DICER1: variants seen among roughly 807,000 people sequenced by gnomAD.
The protein encoded by DICER1 is dicer 1, ribonuclease III.
Under a neutral mutation model 194.1 loss-of-function variants are expected in DICER1, and 43 were observed. The ratio of observed to expected loss-of-function variants is 0.22; its 90% CI spans 0.17 to 0.29. DICER1 has a LOEUF of 0.29. Ranked by LOEUF, DICER1 falls within the 10% of genes least tolerant of loss-of-function variation. The probability of loss-of-function intolerance (pLI) is 1.00; values close to 1 mark genes in which losing one functional copy is unlikely to be tolerated. For missense variants in DICER1, 1,608 were observed against 2,317.0 expected, an observed-to-expected ratio of 0.69 and a Z score of 6.28; for synonymous variants, 832 against 820.5, an observed-to-expected ratio of 1.01 and a Z score of -0.24.
chr14:95,108,572 A>T, intron 14 of DICER1, 69 bp from the exon 15 acceptor site: 1 of 1,381,470 alleles, frequency 7.2e-7, no homozygotes, highest in Non-Finnish European at 1.0e-6. Flanking sequence ...TGTCAGCAAG[A>T]AAACAAATTA....
chr14:95,128,201 T>C (rs1893644036), intron 6 of DICER1, among the ~76,000 whole-genome samples: 1 of 152,190 alleles, frequency 6.6e-6, no homozygotes, highest in Non-Finnish European at 1.5e-5. Flanking sequence ...CAAAAACATA[T>C]ATACTATAGT....
chr14:95,112,900 A>G (rs1892100594), intron 12 of DICER1, among the ~76,000 whole-genome samples, 192 bp downstream of exon 12: 1 of 152,224 alleles, frequency 6.6e-6, no homozygotes. Context: ...CTACAAAAGC[A>G]ATCTATAAAT....
chr14:95,122,457 A>C (rs766946252), intron 8 of DICER1, among the ~76,000 whole-genome samples: 19 of 152,170 alleles, frequency 1.2e-4, no homozygotes, highest in Non-Finnish European at 2.6e-4. Context: ...CTGCCCTAAG[A>C]AATAATCCCT....
In DICER1 at chr14:95,089,019, G is replaced by C; in HGVS notation, c.*1479C>G. ...AAGACTGACCCACAGCTTTTAAAAA[G>C]GTAAATTAAGAGGTATTATAGTTAC... On this transcript the variant is annotated 3_prime_UTR_variant, in exon 27 of 27. Transcript: ENST00000343455. 1 of 231,358 alleles carries C rather than the reference G, an allele frequency of 4.3e-6. No individual in the cohort carries two copies. The highest frequency in any genetic ancestry group is 6.1e-5 in the East Asian group (1 of 16,430). The allele number at this position is 231,358 out of a possible 1,614,324, so 14.3% of individuals were successfully genotyped here.
In DICER1 at chr14:95,106,138, CAG is replaced by C. The variant is rs886037695; in HGVS notation, c.2888_2889del (p.Pro963ArgfsTer3). The C allele has an allele frequency of 6.2e-7, 1 of 1,614,056 alleles. No homozygotes were observed. ...TAATATTCTGCAAAAGTTTCATACT[CAG>C]GGGAAGGAAATTTACTGAGTGGGGT... The part of the protein sequence containing the change: ...DLTPLSKFPS[P>X]EYETFAEYYK... On this transcript the variant is annotated frameshift_variant, in exon 18 of 27. Transcript: ENST00000343455. LOFTEE classifies it high-confidence loss of function.
chr14:95,117,803 A>G, intron 8 of DICER1, 49 bp from the exon 9 acceptor site: 1 of 1,594,364 alleles, frequency 6.3e-7, no homozygotes, highest in Non-Finnish European at 8.6e-7. Context: ...GAAAGAAAAT[A>G]AACTTTTGTT....
At chr14:95,125,339 G>A (rs989666713) in intron 7 of DICER1, among the ~76,000 whole-genome samples, 9 of 151,400 alleles carry the variant, frequency 5.9e-5, no homozygotes, top group East Asian at 3.9e-4. Flanking sequence ...CCTGTTATCC[G>A]ATTTCAATGA....
intron 11 of DICER1, among the ~76,000 whole-genome samples, chr14:95,115,161 T>C (rs543938930): frequency 1.2e-4 from 19 of 152,356 alleles, no homozygotes; most frequent in Non-Finnish European, 2.4e-4. Context: ...AAGAAAATCT[T>C]ATACTTGCTC....
At chr14:95,098,652 T>C (rs528174709) in intron 22 of DICER1, among the ~76,000 whole-genome samples, 1 of 152,320 alleles carries the variant, frequency 6.6e-6, no homozygotes, top group East Asian at 1.9e-4. Flanking sequence ...GGAGGATGAC[T>C]GTTACTGGAA....
chr14:95,139,786 G>C (rs1335718617), intron 1 of DICER1, among the ~76,000 whole-genome samples: 1 of 152,184 alleles, frequency 6.6e-6, no homozygotes, highest in Admixed American at 6.5e-5. Context: ...CAGGAGAGAG[G>C]ATGTACAAGG....
chr14:95,115,542 C>T (rs1892359969), intron 11 of DICER1, 125 bp downstream of exon 11: 1 of 1,067,660 alleles, frequency 9.4e-7, no homozygotes, highest in Non-Finnish European at 1.4e-6. Flanking sequence ...TTTTCTTTAT[C>T]GAAAATATGG....
At chr14:95,120,437 T>C (rs968512791) in intron 8 of DICER1, among the ~76,000 whole-genome samples, 1 of 152,166 alleles carries the variant, frequency 6.6e-6, no homozygotes, top group Non-Finnish European at 1.5e-5. Context: ...CGAATGAACA[T>C]ACTGAAACTT....
Position 95,093,308 on chromosome 14 carries a change from C to T in DICER1, c.5364+580G>A, listed in dbSNP as rs534235127. Among the ~76,000 whole-genome samples, 28 of 152,284 alleles carry T rather than the reference C, an allele frequency of 1.8e-4. 1 individual carries two copies. The Middle Eastern group carries it at 0.014, about 74-fold the overall frequency. Reference sequence around the variant, plus strand: ...AAGATCTAAGCAATATCCTTTCCTACAAAAATTCGAAATAGCTCACAAACA... The same window carrying T: ...AAGATCTAAGCAATATCCTTTCCTATAAAAATTCGAAATAGCTCACAAACA... On this transcript the variant is annotated intron_variant, in intron 24 of 26. Transcript: ENST00000343455.
rs1595457308 is a variant in DICER1 at position 95,129,632 on chromosome 14, G to A, written c.574C>T (p.Leu192Phe). Residue 192 changes from leucine to phenylalanine, a missense_variant and splice_region_variant, in exon 6 of 27, where the codon CTC becomes TTC. By Grantham distance (22) the Leu-to-Phe change is conservative. Transcript: ENST00000343455. ...GGACATGATGGACAATTTTCACAGA[G>A]CTAACATAATAAAAGATACTGACAG... is the stretch of plus-strand genomic sequence containing the variant. ...LDHPYREIMK[L>F]CENCPSCPRI... is the part of the protein sequence containing the mutation. 6.2e-7 allele frequency: 1 copy of A among 1,610,348 alleles called. No homozygotes were observed. The highest frequency in any genetic ancestry group is 1.7e-5 in the Admixed American group (1 of 59,992).
chr14:95,106,642 C>T (rs759188996), intron 17 of DICER1, among the ~76,000 whole-genome samples: 3 of 151,440 alleles, frequency 2.0e-5, no homozygotes, highest in Non-Finnish European at 4.4e-5. Flanking sequence ...GTCCTGATAA[C>T]TAACATTTAA....
rs757920193 is a variant in DICER1 at position 95,115,800 on chromosome 14, T to G, written c.1774A>C (p.Lys592Gln). ...TCAGTCTCACCAGTATCAACCGACT[T>G]GGAACACTTGTTTCTCAAGATCTGA... ...IEKILRNKCSKSVDTGETDID... is the reference protein window; with the variant it reads ...IEKILRNKCSQSVDTGETDID... Residue 592 changes from lysine (K) to glutamine (Q), a missense_variant, in exon 11 of 27, where the codon AAG becomes CAG. Physicochemically the swap from Lys to Gln is moderately conservative, Grantham distance 53. Coordinates refer to ENST00000343455, the MANE Select transcript of DICER1 (RefSeq NM_177438.3). The G allele has an allele frequency of 1.2e-6, 2 of 1,614,178 alleles. No homozygotes were observed. Among genetic ancestry groups the G allele is most frequent in the South Asian group, 1.1e-5 (1 of 91,084 alleles).
chr14:95,131,173 C>G (rs1893917305), intron 4 of DICER1, among the ~76,000 whole-genome samples: 1 of 151,988 alleles, frequency 6.6e-6, no homozygotes, highest in Non-Finnish European at 1.5e-5. Flanking sequence ...AGGACTACTA[C>G]GCCACCACGC....
chr14:95,115,731 C>A lies in DICER1; in HGVS notation c.1843G>T (p.Val615Leu), dbSNP rs1315795741. The change falls in exon 11 of 27, where the codon GTG (valine) becomes TTG (leucine). Residue 615 changes from valine to leucine, a missense_variant. Val to Leu is a conservative substitution (Grantham distance 32, BLOSUM62 1). Coordinates refer to ENST00000343455, the MANE Select transcript of DICER1 (RefSeq NM_177438.3). ...MDDDDVFPPYVLRPDDGGPRV... is the reference protein window; with the variant it reads ...MDDDDVFPPYLLRPDDGGPRV... The stretch of plus-strand genomic sequence containing the variant: ...GGACCACCATCGTCAGGCCTCAACA[C>A]ATATGGTGGGAAAACGTCATCATCA... 1.2e-6 allele frequency: 2 copies of A among 1,614,160 alleles called. No individual in the cohort carries two copies. The highest frequency in any genetic ancestry group is 1.7e-6 in the Non-Finnish European group (2 of 1,180,028).
chr14:95,106,171 C>G lies in DICER1; in HGVS notation c.2857G>C (p.Asp953His), dbSNP rs745810853. ...GGAAATTTACTGAGTGGGGTAAGAT[C>G]AGTGTACACATCAGCTACATAAAAT... ...HRFYVADVYT[D>H]LTPLSKFPSP... The change falls in exon 18 of 27, where the codon GAT becomes CAT. Residue 953 changes from aspartate to histidine, a missense_variant. Transcript: ENST00000343455. 2 of 1,614,070 alleles carry G rather than the reference C, an allele frequency of 1.2e-6. No individual in the cohort carries two copies. Among genetic ancestry groups the G allele is most frequent in the Non-Finnish European group, 1.7e-6 (2 of 1,179,970 alleles).
Sources: allele counts gnomAD v4.1 joint callset (sites outside exome capture counted in the v4.1 genomes callset), GRCh38; gene constraint gnomAD v4.1.1; transcripts MANE v1.5; gene names NCBI Gene and HGNC (gene_info 2026-07-23, HGNC 2026-07-21).